The following ALOX5 variants were observed in gnomAD, a reference collection of about 807,000 sequenced individuals.
ALOX5 encodes the protein polyunsaturated fatty acid 5-lipoxygenase.
A neutral mutation model predicts 87.9 loss-of-function variants in ALOX5; 64 were observed. The observed-to-expected ratio is 0.73, with a 90% CI of 0.60 to 0.90. The LOEUF (loss-of-function observed/expected upper bound fraction) is 0.90, where lower values mean the gene tolerates loss of function less well. ALOX5 is among the 40% of genes least tolerant of loss of function. The pLI is 0.00. For missense variants in ALOX5, 822 were observed against 907.5 expected (o/e 0.91, Z 1.21); for synonymous variants, 388 against 355.1 (o/e 1.09, Z -1.04).
intron 2 of ALOX5, among the ~76,000 whole-genome samples, chr10:45,383,631 G>C (rs1321445133): frequency 3.3e-5 from 5 of 152,206 alleles, no homozygotes; most frequent in Admixed American, 6.5e-5. Flanking sequence ...AGGAAGAGAT[G>C]ACTGTTACCC....
chr10:45,428,107 G>C (rs1002754214), intron 6 of ALOX5, among the ~76,000 whole-genome samples: 1 of 137,668 alleles, frequency 7.3e-6, no homozygotes, highest in African/African-American at 2.8e-5. Context: ...TCCCCTGCCC[G>C]TGCAGAATCC....
intron 7 of ALOX5, among the ~76,000 whole-genome samples, chr10:45,438,865 C>A (rs1454823950): frequency 6.6e-6 from 1 of 152,208 alleles, no homozygotes; most frequent in South Asian, 2.1e-4. Flanking sequence ...GTGCAAGTCA[C>A]ACTCTGCTCT....
Position 45,382,457 on chromosome 10 carries a change from G to T in ALOX5, c.151-26G>T, listed in dbSNP as rs550437373. On this transcript the variant is annotated intron_variant, in intron 1 of 13. Coordinates refer to ENST00000374391, the MANE Select transcript of ALOX5 (RefSeq NM_000698.5). Reference sequence around the variant, plus strand: ...ACAAAGGCTCAGGAGACCACGCATGGCCTGATTGCCTGTTCTCCTTCCCAG... The same window carrying T: ...ACAAAGGCTCAGGAGACCACGCATGTCCTGATTGCCTGTTCTCCTTCCCAG... 75 of 1,613,560 alleles carry T rather than the reference G, an allele frequency of 4.6e-5. 1 individual carries two copies. In the South Asian group the frequency reaches 8.1e-4, roughly 17 times the overall value.
At chr10:45,423,696 G>C (rs896118070) in intron 4 of ALOX5, among the ~76,000 whole-genome samples, 1 of 152,216 alleles carries the variant, frequency 6.6e-6, no homozygotes, top group African/African-American at 2.4e-5. Flanking sequence ...CGGTAGAGCA[G>C]CTGGATCTCT....
intron 7 of ALOX5, among the ~76,000 whole-genome samples, chr10:45,438,187 C>T (rs971660487): frequency 4.6e-5 from 7 of 150,858 alleles, no homozygotes; most frequent in African/African-American, 1.7e-4. Context: ...ATTGCTCTGA[C>T]TAGGACTTCC....
intron 2 of ALOX5, among the ~76,000 whole-genome samples, chr10:45,388,447 G>C (rs964920538): frequency 1.3e-5 from 2 of 152,200 alleles, no homozygotes; most frequent in African/African-American, 2.4e-5. Flanking sequence ...CTCCAGTAGG[G>C]GCAGACTGAC....
intron 3 of ALOX5, 30 bp from the exon 4 acceptor site, chr10:45,412,161 A>G (rs1841086982): frequency 6.2e-7 from 1 of 1,613,742 alleles, no homozygotes; most frequent in African/African-American, 1.3e-5. Flanking sequence ...CTGGCATTTA[A>G]CTCAATTTCT....
At chr10:45,402,752 A>G (rs571244867) in intron 3 of ALOX5, among the ~76,000 whole-genome samples, 49 of 152,370 alleles carry the variant, frequency 3.2e-4, no homozygotes, top group Non-Finnish European at 6.3e-4. Context: ...AAGGCAAGTC[A>G]TGGAGTGATT....
intron 3 of ALOX5, among the ~76,000 whole-genome samples, chr10:45,398,243 G>A (rs1030731760): frequency 3.3e-5 from 5 of 152,288 alleles, no homozygotes; most frequent in South Asian, 2.1e-4. Flanking sequence ...GTTTAACAGA[G>A]AAAGAATAGT....
chr10:45,392,589 C>T (rs1422089595), intron 2 of ALOX5, among the ~76,000 whole-genome samples: 1 of 152,024 alleles, frequency 6.6e-6, no homozygotes, highest in African/African-American at 2.4e-5. Context: ...GCAGGGTCCT[C>T]TGCCTAGGAA....
At chr10:45,386,657 A>G (rs1272098431) in intron 2 of ALOX5, among the ~76,000 whole-genome samples, 3 of 152,058 alleles carry the variant, frequency 2.0e-5, no homozygotes, top group Admixed American at 6.5e-5. Flanking sequence ...TTTTTATTAT[A>G]TTTTACAAAA....
At chr10:45,443,951 G>A in intron 12 of ALOX5, 123 bp downstream of exon 12, 1 of 1,440,344 alleles carries the variant, frequency 6.9e-7, no homozygotes, top group Non-Finnish European at 9.3e-7. Context: ...GGGACTTGCA[G>A]GATGGATTCT....
chr10:45,374,586 GT>G (rs1839518209), intron 1 of ALOX5, among the ~76,000 whole-genome samples, 157 bp downstream of exon 1: 1 of 152,190 alleles, frequency 6.6e-6, no homozygotes, highest in African/African-American at 2.4e-5. Flanking sequence ...CAGAACTGCG[GT>G]GGGGCGTGCC....
At chr10:45,442,998 G>T in intron 9 of ALOX5, 40 bp from the exon 10 acceptor site, 1 of 1,586,700 alleles carries the variant, frequency 6.3e-7, no homozygotes. Flanking sequence ...ACAGCTGTGG[G>T]AGGAGCCACC....
chr10:45,418,068 C>T (rs1189882509), intron 4 of ALOX5, among the ~76,000 whole-genome samples: 1 of 152,222 alleles, frequency 6.6e-6, no homozygotes. Context: ...GAGAGGGGCC[C>T]TTCTGCCCCT....
intron 4 of ALOX5, 122 bp downstream of exon 4, chr10:45,412,435 C>T (rs1841099475): frequency 1.8e-5 from 24 of 1,308,768 alleles, no homozygotes; most frequent in African/African-American, 3.0e-5. Flanking sequence ...CTGAGCCAAA[C>T]GCTTTGATGA....
At chr10:45,439,641 T>C (rs1283328075) in intron 7 of ALOX5, among the ~76,000 whole-genome samples, 2 of 152,068 alleles carry the variant, frequency 1.3e-5, no homozygotes, top group Non-Finnish European at 2.9e-5. Flanking sequence ...GGCACGAAAG[T>C]GAGGCTGTGT....
intron 3 of ALOX5, among the ~76,000 whole-genome samples, chr10:45,402,132 G>C (rs1840725147): frequency 6.7e-6 from 1 of 149,550 alleles, no homozygotes; most frequent in Non-Finnish European, 1.5e-5. Flanking sequence ...CACGAGCCAT[G>C]TATGGGTCCC....
At chr10:45,391,500 C>T (rs1588992198) in intron 2 of ALOX5, among the ~76,000 whole-genome samples, 3 of 152,194 alleles carry the variant, frequency 2.0e-5, no homozygotes, top group Admixed American at 1.3e-4. Context: ...ATTGCAGCCT[C>T]TGCCCGGCCG....
Sources: allele counts gnomAD v4.1 joint callset (sites outside exome capture counted in the v4.1 genomes callset), GRCh38; gene constraint gnomAD v4.1.1; transcripts MANE v1.5; gene names NCBI Gene and HGNC (gene_info 2026-07-23, HGNC 2026-07-21).